SEPTIN4: variants seen among roughly 807,000 people sequenced by gnomAD.
The protein encoded by SEPTIN4 is septin-4.
In SEPTIN4, 52 loss-of-function variants were observed where a neutral mutation model predicts 107.1. That is an observed-to-expected ratio of 0.49 (90% confidence interval 0.39 to 0.61). The LOEUF is 0.61. SEPTIN4 is among the 20% of genes least tolerant of loss of function. The pLI is 0.00. For missense variants in SEPTIN4, 1,048 were observed against 1,243.5 expected (o/e 0.84, Z 2.36); for synonymous variants, 417 against 467.0 (o/e 0.89, Z 1.38).
intron 5 of SEPTIN4, 26 bp downstream of exon 5, chr17:58,526,194 C>T: frequency 6.4e-7 from 1 of 1,558,728 alleles, no homozygotes; most frequent in Non-Finnish European, 8.7e-7. Context: ...CACACCCTGC[C>T]CAACCCAGCC....
At chr17:58,527,955 G>T (rs1205251464) in intron 3 of SEPTIN4, 4 of 985,668 alleles carry the variant, frequency 4.1e-6, no homozygotes, top group Non-Finnish European at 4.8e-6. Context: ...CTCAGAAGAG[G>T]AACTGTTTCC....
intron 13 of SEPTIN4, 87 bp from the exon 14 acceptor site, chr17:58,520,572 C>T: frequency 1.3e-6 from 2 of 1,567,588 alleles, no homozygotes; most frequent in Non-Finnish European, 1.8e-6. Flanking sequence ...TCCCTTAAGC[C>T]AGAACCTTGG....
intron 2 of SEPTIN4, among the ~76,000 whole-genome samples, chr17:58,541,080 C>A (rs1421018278): frequency 2.0e-5 from 3 of 152,198 alleles, no homozygotes; most frequent in Non-Finnish European, 4.4e-5. Context: ...CTTTATAGAG[C>A]TTTGCTCCCT....
chr17:58,524,496 T>C (rs767508626), intron 7 of SEPTIN4: 5 of 152,198 alleles, frequency 3.3e-5, no homozygotes, highest in Non-Finnish European at 7.3e-5. Context: ...ATTCGGCATC[T>C]ACTATGTAAT....
In SEPTIN4 at chr17:58,525,184, C is replaced by G. The variant is rs375129802; in HGVS notation, c.2110G>C (p.Val704Leu). 3.1e-6 allele frequency: 5 copies of G among 1,614,116 alleles called. No individual in the cohort carries two copies. The Admixed American group carries it at 8.3e-5, about 27-fold the overall frequency. Reference protein sequence around the residue: ...LGAEERIMQTVEITKHAVDIE... With the variant: ...LGAEERIMQTLEITKHAVDIE... ...TCCACTGCATGCTTAGTGATCTCCA[C>G]AGTTTGCATGATCCTCTCTGGAGAA... The change falls in exon 7 of 14, where the codon GTG (valine) becomes CTG (leucine). Residue 704 changes from valine to leucine, a missense_variant. This residue lies in a region of SEPTIN4 where 787 missense variants were observed against 871.8 expected (regional missense o/e 0.90). Coordinates refer to ENST00000672673, the MANE Select transcript of SEPTIN4 (RefSeq NM_001368771.2).
At position 58,520,903 on chromosome 17, in the gene SEPTIN4, C is replaced by A. The variant is rs1038090883; in HGVS notation, c.2832-61G>T. 6 of 1,612,964 alleles carry A rather than the reference C, an allele frequency of 3.7e-6. No individual in the cohort carries two copies. The African/African-American group carries it at 8.0e-5, about 22-fold the overall frequency. ...CCCCAGCACCCGCTTAGATTGAGCC[C>A]AGGGCCTATAGAAGAACAAAAGTAG... On this transcript the variant is annotated intron_variant, in intron 12 of 13. Coordinates refer to ENST00000672673, the MANE Select transcript of SEPTIN4 (RefSeq NM_001368771.2).
At chr17:58,522,654 CAA>C (rs1233539293) in intron 7 of SEPTIN4, among the ~76,000 whole-genome samples, 31 of 52,628 alleles carry the variant, frequency 5.9e-4, no homozygotes, top group Admixed American at 1.1e-3. Context: ...CAGACTGTCA[CAA>C]AAAAAAAAAA....
Position 58,543,918 on chromosome 17 carries a change from G to C in SEPTIN4, c.269C>G (p.Thr90Ser). 1.2e-6 allele frequency: 2 copies of C among 1,614,010 alleles called. No individual in the cohort carries two copies. The highest frequency in any genetic ancestry group is 1.7e-6 in the Non-Finnish European group (2 of 1,179,940). ...GCGGGATGATTCTGTTCTTGGTCCA[G>C]TCTCGGGTCCCCGAGGAGTGGGTAC... ...YAVPTPRGPE[T>S]GPRTESSRHS... The change falls in exon 1 of 14, where the codon ACT becomes AGT. Residue 90 changes from threonine (T) to serine (S), a missense_variant. Coordinates refer to ENST00000672673, the MANE Select transcript of SEPTIN4 (RefSeq NM_001368771.2).
Position 58,521,365 on chromosome 17 carries a change from G to T in SEPTIN4, c.2572-15C>A. On this transcript the variant is annotated splice_polypyrimidine_tract_variant and intron_variant, in intron 10 of 13. Coordinates refer to ENST00000672673, the MANE Select transcript of SEPTIN4 (RefSeq NM_001368771.2). This position sits in a 1 kb window ranked among gnomAD's most constrained non-coding sequence, Gnocchi z 6.4. ...GGGATGCTTTCCTGGAAGAGGTTAG[G>T]GGTGCCTGTCAGCACCCTCTGTTCT... 3 of 1,612,536 alleles carry T rather than the reference G, an allele frequency of 1.9e-6. No individual in the cohort carries two copies. The South Asian group carries it at 3.3e-5, about 18-fold the overall frequency.
rs948491070 is a variant in SEPTIN4 at position 58,538,753 on chromosome 17, C to T, written c.1614+1913G>A. 1.3e-5 allele frequency among the ~76,000 whole-genome samples: 2 copies of T among 152,170 alleles called. No individual in the cohort carries two copies. The highest frequency in any genetic ancestry group is 2.9e-5 in the Non-Finnish European group (2 of 68,018). On this transcript the variant is annotated intron_variant, in intron 3 of 13. Transcript: ENST00000672673. The surrounding 1 kb of genome is among the most constrained non-coding windows in gnomAD (Gnocchi z 4.7). ...GCATCTGTCCACCCCATTCCTTAGACAAAAGGGCTTTGAGGGGCCATTTGG... is the reference window on the plus strand; with the variant it reads ...GCATCTGTCCACCCCATTCCTTAGATAAAAGGGCTTTGAGGGGCCATTTGG...
Position 58,544,189 on chromosome 17 carries a change from G to GAT in SEPTIN4, c.-5_-4dup. 1 of 1,606,554 alleles carries GAT rather than the reference G, an allele frequency of 6.2e-7. No homozygotes were observed. The highest frequency in any genetic ancestry group is 1.1e-5 in the South Asian group (1 of 90,088). ...CCAGGTTTATTTGTCTTGACCATCT[G>GAT]ATAGATTGTGCCCTTCTGAGTAGAT... On this transcript the variant is annotated 5_prime_UTR_variant, in exon 1 of 14. Coordinates refer to ENST00000672673, the MANE Select transcript of SEPTIN4 (RefSeq NM_001368771.2).
In SEPTIN4 at chr17:58,543,623, T is replaced by G. The variant is rs1217669252; in HGVS notation, c.564A>C (p.Arg188Ser). Residue 188 changes from arginine to serine, a missense_variant, in exon 1 of 14, where the codon AGA becomes AGC. Transcript: ENST00000672673. Reference protein sequence around the residue: ...PSKVQNPQGVRVPRRILSYPK... With the variant: ...PSKVQNPQGVSVPRRILSYPK... The stretch of plus-strand genomic sequence containing the variant: ...GGTAAGACAAAATCCTACGGGGAAC[T>G]CTGACTCCTTGGGGGTTCTGGACCT... The G allele has an allele frequency of 6.2e-7, 1 of 1,614,126 alleles. No homozygotes were observed. The highest frequency in any genetic ancestry group is 8.5e-7 in the Non-Finnish European group (1 of 1,180,056).
chr17:58,538,456 G>A lies in SEPTIN4; in HGVS notation c.1614+2210C>T, dbSNP rs1366384674. ...ACATTTAAGGATGAGTAGGTCAGAT[G>A]CCTTGAGGACACAGGATCTTGGGGC... On this transcript the variant is annotated intron_variant, in intron 3 of 13. Coordinates refer to ENST00000672673, the MANE Select transcript of SEPTIN4 (RefSeq NM_001368771.2). This position sits in a 1 kb window ranked among gnomAD's most constrained non-coding sequence, Gnocchi z 4.7. 6.6e-6 allele frequency among the ~76,000 whole-genome samples: 1 copy of A among 152,190 alleles called. No homozygotes were observed. Among genetic ancestry groups the A allele is most frequent in the Non-Finnish European group, 1.5e-5 (1 of 68,038 alleles).
At chr17:58,534,777 C>A (rs1567974742) in intron 3 of SEPTIN4, among the ~76,000 whole-genome samples, 1 of 152,178 alleles carries the variant, frequency 6.6e-6, no homozygotes, top group African/African-American at 2.4e-5. Context: ...TAGGTCAGGC[C>A]AACATGATAT....
Position 58,520,981 on chromosome 17 carries a change from C to G in SEPTIN4, c.2831+17G>C. 1.2e-6 allele frequency: 2 copies of G among 1,613,644 alleles called. No homozygotes were observed. Among genetic ancestry groups the G allele is most frequent in the Non-Finnish European group, 1.7e-6 (2 of 1,179,886 alleles). ...GGGATCTCCCCCTGCCAGCTTTGTCCTGGCTTCTGGTCATACTTGCGATTC... is the reference window on the plus strand; with the variant it reads ...GGGATCTCCCCCTGCCAGCTTTGTCGTGGCTTCTGGTCATACTTGCGATTC... On this transcript the variant is annotated intron_variant, in intron 12 of 13. Coordinates refer to ENST00000672673, the MANE Select transcript of SEPTIN4 (RefSeq NM_001368771.2).
intron 7 of SEPTIN4, among the ~76,000 whole-genome samples, chr17:58,524,059 T>C (rs571231408): frequency 1.3e-5 from 2 of 152,312 alleles, no homozygotes; most frequent in Admixed American, 1.3e-4. Flanking sequence ...ATCATGAAGT[T>C]ACTAAATGCC....
chr17:58,527,078 G>A, intron 3 of SEPTIN4, 100 bp from the exon 4 acceptor site: 2 of 1,579,252 alleles, frequency 1.3e-6, no homozygotes, highest in Non-Finnish European at 1.7e-6. Context: ...AGGCAAGAGG[G>A]AAAGGGAAAG....
Position 58,542,846 on chromosome 17 carries a change from A to G in SEPTIN4, c.1341T>C (p.Phe447=), listed in dbSNP as rs374318187. The change falls in exon 1 of 14, where the codon TTT becomes TTC. Residue 447 remains phenylalanine (F), a synonymous_variant. Coordinates refer to ENST00000672673, the MANE Select transcript of SEPTIN4 (RefSeq NM_001368771.2). ...TPQSQLTTPD[F]EPKCSPSLDL... The stretch of plus-strand genomic sequence containing the variant: ...CTAGGGAAGGAGAGCACTTAGGCTC[A>G]AAATCCGGTGTTGTCAGCTGGCTTT... 6.2e-7 allele frequency: 1 copy of G among 1,614,214 alleles called. No homozygotes were observed. Among genetic ancestry groups the G allele is most frequent in the Non-Finnish European group, 8.5e-7 (1 of 1,180,040 alleles).
At position 58,532,484 on chromosome 17, in the gene SEPTIN4, G is replaced by A. The variant is rs187332428; in HGVS notation, c.1615-5506C>T. On this transcript the variant is annotated intron_variant, in intron 3 of 13. Coordinates refer to ENST00000672673, the MANE Select transcript of SEPTIN4 (RefSeq NM_001368771.2). Reference sequence around the variant, plus strand: ...AGGTTTTCACAAAGTGAATCCGGCTGATGCCCAAGTTACTGATCACTACAC... The same window carrying A: ...AGGTTTTCACAAAGTGAATCCGGCTAATGCCCAAGTTACTGATCACTACAC... Among the ~76,000 whole-genome samples the A allele has an allele frequency of 1.6e-3, 241 of 152,316 alleles. 1 individual carries two copies. The highest frequency in any genetic ancestry group is 4.8e-3 in the Admixed American group (74 of 15,298).
Sources: allele counts gnomAD v4.1 joint callset (sites outside exome capture counted in the v4.1 genomes callset), GRCh38; gene constraint gnomAD v4.1.1; regional missense constraint gnomAD v4.1.1; non-coding constraint Gnocchi (gnomAD v3.1); transcripts MANE v1.5; gene names NCBI Gene and HGNC (gene_info 2026-07-23, HGNC 2026-07-21).